NUGGC: variants seen among roughly 807,000 people sequenced by gnomAD.
NUGGC encodes the protein nuclear GTPase SLIP-GC.
NUGGC carries 58 observed loss-of-function variants against 92.6 expected under a neutral mutation model. That is an observed-to-expected ratio of 0.63 (90% confidence interval 0.51 to 0.78). The LOEUF is 0.78. Among genes scored for constraint, NUGGC ranks in the 30% least tolerant of loss-of-function variants. The pLI is 0.00. For synonymous variants in NUGGC, 376 were observed against 366.4 expected, an observed-to-expected ratio of 1.03 and a Z score of -0.30; for missense variants, 925 against 964.6, an observed-to-expected ratio of 0.96 and a Z score of 0.54.
intron 13 of NUGGC, among the ~76,000 whole-genome samples, chr8:28,040,438 A>G (rs1249996456): frequency 2.0e-5 from 3 of 152,130 alleles, no homozygotes; most frequent in Admixed American, 6.5e-5. Flanking sequence ...TTTTTAAAAA[A>G]TGGGTCTAGG....
chr8:28,042,251 G>A lies in NUGGC; in HGVS notation c.1447-1036C>T, dbSNP rs538810013. ...ATGGACTAATACAGTTCCAGACTGG[G>A]AACTCATAGTGTTGTTCCCCACATG... is the stretch of plus-strand genomic sequence containing the variant. On this transcript the variant is annotated intron_variant, in intron 12 of 18. Transcript: ENST00000413272. Among the ~76,000 whole-genome samples the A allele has an allele frequency of 3.5e-4, 53 of 152,178 alleles. 1 individual carries two copies. Among genetic ancestry groups the A allele is most frequent in the Admixed American group, 2.1e-3 (32 of 15,312 alleles).
chr8:28,048,006 C>G (rs992674289), intron 10 of NUGGC, among the ~76,000 whole-genome samples: 5 of 152,202 alleles, frequency 3.3e-5, no homozygotes, highest in African/African-American at 1.2e-4. Flanking sequence ...TGAAAGCCAA[C>G]AGCACACATC....
At chr8:28,047,389 C>T (rs956021851) in intron 11 of NUGGC, 118 bp downstream of exon 11, 1 of 631,974 alleles carries the variant, frequency 1.6e-6, no homozygotes, top group Non-Finnish European at 2.8e-6. Context: ...GTATTGAAAC[C>T]ATGGCAAGCT....
In NUGGC at chr8:28,058,675, T is replaced by A. The variant is rs2130199461; in HGVS notation, c.1098-399A>T. On this transcript the variant is annotated intron_variant, in intron 8 of 18. Coordinates refer to ENST00000413272, the MANE Select transcript of NUGGC (RefSeq NM_001010906.2). The stretch of plus-strand genomic sequence containing the variant: ...CCCCTACCTATGTTCAATAAATGCT[T>A]ATCATTAATAAATTAGATTTAATTA... 1.3e-5 allele frequency among the ~76,000 whole-genome samples: 2 copies of A among 152,272 alleles called. 1 individual carries two copies. Among genetic ancestry groups the A allele is most frequent in the South Asian group, 4.1e-4 (2 of 4,826 alleles).
chr8:28,049,110 T>TA (rs1385386359), intron 10 of NUGGC, among the ~76,000 whole-genome samples: 2 of 152,036 alleles, frequency 1.3e-5, no homozygotes, highest in Non-Finnish European at 2.9e-5. Flanking sequence ...GATGCAAAGA[T>TA]ATAAAGAGCT....
At chr8:28,062,593 G>A (rs1319048941) in intron 7 of NUGGC, among the ~76,000 whole-genome samples, 1 of 152,194 alleles carries the variant, frequency 6.6e-6, no homozygotes, top group African/African-American at 2.4e-5. Context: ...CTCCAGTCCA[G>A]GCAACAGAGC....
At chr8:28,038,420 C>A (rs1335084401) in intron 13 of NUGGC, among the ~76,000 whole-genome samples, 1 of 152,210 alleles carries the variant, frequency 6.6e-6, no homozygotes, top group Non-Finnish European at 1.5e-5. Flanking sequence ...AGCATTATCA[C>A]TTTACGTTCA....
In NUGGC at chr8:28,045,653, AG is replaced by A. The variant is rs1809813618; in HGVS notation, c.1319del (p.Pro440LeufsTer3). On this transcript the variant is annotated frameshift_variant, in exon 12 of 19. Coordinates refer to ENST00000413272, the MANE Select transcript of NUGGC (RefSeq NM_001010906.2). LOFTEE classifies it high-confidence loss of function. Reference protein sequence around the residue: ...ALLTEEETEIPKLREYIRKSL... With the variant: ...ALLTEEETEIXKLREYIRKSL... ...TCTTCCTGATGTATTCTCTTAACTT[AG>A]GGATTTCTGGAATTCACAGGCAGCA... is the stretch of plus-strand genomic sequence containing the variant. 1 of 1,609,834 alleles carries A rather than the reference AG, an allele frequency of 6.2e-7. No homozygotes were observed. Among genetic ancestry groups the A allele is most frequent in the Non-Finnish European group, 8.5e-7 (1 of 1,178,952 alleles).
At chr8:28,033,455 C>G in intron 14 of NUGGC, 85 bp downstream of exon 14, 1 of 1,309,576 alleles carries the variant, frequency 7.6e-7, no homozygotes, top group Middle Eastern at 1.9e-4. Context: ...TTTACACTTA[C>G]AGATCCAAAG....
chr8:28,081,423 G>T (rs534426423), intron 1 of NUGGC, among the ~76,000 whole-genome samples: 1 of 152,276 alleles, frequency 6.6e-6, no homozygotes, highest in Admixed American at 6.5e-5. Flanking sequence ...GTTATTTTTT[G>T]AATATTTTAT....
At chr8:28,061,884 C>T (rs1385274803) in intron 7 of NUGGC, among the ~76,000 whole-genome samples, 1 of 152,202 alleles carries the variant, frequency 6.6e-6, no homozygotes, top group Non-Finnish European at 1.5e-5. Flanking sequence ...AAATAATTAT[C>T]TGACAGCCCA....
At chr8:28,047,206 G>T (rs904954280) in intron 11 of NUGGC, among the ~76,000 whole-genome samples, 1 of 152,082 alleles carries the variant, frequency 6.6e-6, no homozygotes, top group Non-Finnish European at 1.5e-5. Flanking sequence ...CTGACCTCAG[G>T]TGATCTACCC....
chr8:28,044,688 A>T (rs1320709368), intron 12 of NUGGC, among the ~76,000 whole-genome samples: 1 of 152,164 alleles, frequency 6.6e-6, no homozygotes, highest in African/African-American at 2.4e-5. Flanking sequence ...TAGCAGTTTG[A>T]CTTCCTGAAG....
At chr8:28,070,213 A>G in intron 3 of NUGGC, 39 bp downstream of exon 3, 1 of 1,519,522 alleles carries the variant, frequency 6.6e-7, no homozygotes, top group Non-Finnish European at 8.9e-7. Flanking sequence ...CTTGGAACAG[A>G]ACCGAACCAT....
Position 28,064,739 on chromosome 8 carries a change from A to G in NUGGC, c.712-8T>C. On this transcript the variant is annotated splice_region_variant and splice_polypyrimidine_tract_variant and intron_variant, in intron 6 of 18. Coordinates refer to ENST00000413272, the MANE Select transcript of NUGGC (RefSeq NM_001010906.2). ...GATGGACAGCTCTTCTGCCTGAAGA[A>G]GGAGGACAGAGTCACACACACCAGC... 1 of 1,612,486 alleles carries G rather than the reference A, an allele frequency of 6.2e-7. No homozygotes were observed.
rs1809355461 is a variant in NUGGC at position 28,029,414 on chromosome 8, G to C, written c.2018-12C>G. 6.2e-7 allele frequency: 1 copy of C among 1,611,110 alleles called. No homozygotes were observed. On this transcript the variant is annotated splice_polypyrimidine_tract_variant and intron_variant, in intron 16 of 18. Coordinates refer to ENST00000413272, the MANE Select transcript of NUGGC (RefSeq NM_001010906.2). ...GATCTGAGCTGCCTCTGGCAAAAATGATAGCCACAGTCACACCAAGACAAG... is the reference window on the plus strand; with the variant it reads ...GATCTGAGCTGCCTCTGGCAAAAATCATAGCCACAGTCACACCAAGACAAG...
intron 4 of NUGGC, 74 bp from the exon 5 acceptor site, chr8:28,068,512 A>G: frequency 9.6e-7 from 1 of 1,044,582 alleles, no homozygotes; most frequent in Non-Finnish European, 1.4e-6. Context: ...CAGAATGCAA[A>G]GGAACTGAAT....
intron 3 of NUGGC, 106 bp from the exon 4 acceptor site, chr8:28,069,758 T>A (rs746115293): frequency 2.7e-6 from 2 of 728,440 alleles, no homozygotes; most frequent in Non-Finnish European, 4.9e-6. Flanking sequence ...AAAAAAAAAA[T>A]GAAATGAAAA....
At position 28,029,202 on chromosome 8, in the gene NUGGC, C is replaced by T. The variant is rs115069806; in HGVS notation, c.2154+64G>A. 2.3e-3 allele frequency: 3,604 copies of T among 1,538,534 alleles called. 81 individuals carry two copies. In the African/African-American group the frequency reaches 0.044, roughly 19 times the overall value. On this transcript the variant is annotated intron_variant, in intron 17 of 18. Coordinates refer to ENST00000413272, the MANE Select transcript of NUGGC (RefSeq NM_001010906.2). Reference sequence around the variant, plus strand: ...CCTACTATGCCTTCCACCTTCTGCACTCGCTTCCTCTCCTCCCCCGGAGCC... The same window carrying T: ...CCTACTATGCCTTCCACCTTCTGCATTCGCTTCCTCTCCTCCCCCGGAGCC...
Sources: gnomAD v4.1 joint callset for allele counts (sites outside exome capture counted in the v4.1 genomes callset) on GRCh38, gnomAD v4.1.1 for gene constraint, MANE v1.5 for transcripts, NCBI Gene and HGNC (gene_info 2026-07-23, HGNC 2026-07-21) for gene names.